Variants in TACR3 observed in about 807,000 individuals in gnomAD.
TACR3 encodes the protein tachykinin receptor 3.
In TACR3, 34 loss-of-function variants were observed where a neutral mutation model predicts 35.0. The ratio of observed to expected loss-of-function variants is 0.97; its 90% CI spans 0.74 to 1.30. TACR3 has a LOEUF of 1.30. Among genes scored for constraint, TACR3 ranks in the 50% most tolerant of loss-of-function variants. The pLI is 0.00. For missense variants in TACR3, 558 were observed against 591.7 expected (o/e 0.94, Z 0.59); for synonymous variants, 233 against 221.1 (o/e 1.05, Z -0.48).
At chr4:103,711,248 A>G (rs1722950789) in intron 1 of TACR3, among the ~76,000 whole-genome samples, 1 of 152,200 alleles carries the variant, frequency 6.6e-6, no homozygotes, top group Non-Finnish European at 1.5e-5. Context: ...CCTCAATAAA[A>G]TACTGGCAAA....
At chr4:103,678,584 CATTT>C (rs1240398189) in intron 1 of TACR3, among the ~76,000 whole-genome samples, 2 of 152,040 alleles carry the variant, frequency 1.3e-5, no homozygotes, top group Non-Finnish European at 2.9e-5. Flanking sequence ...TTTATTCATT[CATTT>C]ATCCATACAA....
At chr4:103,689,143 C>T (rs918223989) in intron 1 of TACR3, among the ~76,000 whole-genome samples, 1 of 150,334 alleles carries the variant, frequency 6.7e-6, no homozygotes, top group Non-Finnish European at 1.5e-5. Context: ...AGTAAACTAT[C>T]GCAAGAACAA....
chr4:103,652,069 C>A (rs973938936), intron 3 of TACR3, among the ~76,000 whole-genome samples: 1 of 152,052 alleles, frequency 6.6e-6, no homozygotes, highest in African/African-American at 2.4e-5. Context: ...GGAGGTGGTA[C>A]ATGCACCCCC....
rs575018412 is a variant in TACR3, at chr4:103,632,644, T to C, written c.888+23550A>G. Among the ~76,000 whole-genome samples the C allele has an allele frequency of 2.0e-5, 3 of 150,082 alleles. No homozygotes were observed. In the South Asian group the frequency reaches 6.3e-4, roughly 31 times the overall value. On this transcript the variant is annotated intron_variant, in intron 3 of 4. Transcript: ENST00000304883. ...AACAAACCTGCACGTTCTGCACATGTATCCTGTTTTTTTTTTTTGAAGAAA... is the reference window on the plus strand; with the variant it reads ...AACAAACCTGCACGTTCTGCACATGCATCCTGTTTTTTTTTTTTGAAGAAA...
intron 3 of TACR3, among the ~76,000 whole-genome samples, chr4:103,650,572 AAAAT>A (rs1288304986): frequency 4.0e-5 from 5 of 124,438 alleles, no homozygotes; most frequent in South Asian, 2.2e-4. Flanking sequence ...ATAAATATAT[AAAAT>A]AAATTTAATA....
chr4:103,605,850 T>C (rs1175781842), intron 3 of TACR3, among the ~76,000 whole-genome samples: 1 of 152,230 alleles, frequency 6.6e-6, no homozygotes. Flanking sequence ...TTGTCAATTT[T>C]GTCTTTGGTT....
At chr4:103,646,897 TCTTA>T (rs1377255710) in intron 3 of TACR3, among the ~76,000 whole-genome samples, 1 of 151,986 alleles carries the variant, frequency 6.6e-6, no homozygotes, top group Non-Finnish European at 1.5e-5. Flanking sequence ...TCTATAGTTT[TCTTA>T]CTTAGGGAAC....
chr4:103,700,131 A>C (rs1560536729), intron 1 of TACR3, among the ~76,000 whole-genome samples: 1 of 152,170 alleles, frequency 6.6e-6, no homozygotes, highest in Non-Finnish European at 1.5e-5. Flanking sequence ...CTGGATAAAC[A>C]ACAAAAAACA....
At chr4:103,623,858 C>T (rs1724835708) in intron 3 of TACR3, among the ~76,000 whole-genome samples, 1 of 152,068 alleles carries the variant, frequency 6.6e-6, no homozygotes. Context: ...AAGGTAGACT[C>T]GTTTTCGGAT....
chr4:103,716,989 T>C (rs1477903163), intron 1 of TACR3, among the ~76,000 whole-genome samples: 1 of 152,130 alleles, frequency 6.6e-6, no homozygotes. Flanking sequence ...ATATATCCTA[T>C]AAAATGATGG....
At chr4:103,649,609 T>C (rs1053433826) in intron 3 of TACR3, among the ~76,000 whole-genome samples, 8 of 152,124 alleles carry the variant, frequency 5.3e-5, no homozygotes, top group Non-Finnish European at 5.9e-5. Flanking sequence ...TTCTGTTTGA[T>C]CAATTCTGCT....
intron 1 of TACR3, among the ~76,000 whole-genome samples, chr4:103,717,303 G>A (rs998118215): frequency 2.0e-5 from 3 of 151,566 alleles, no homozygotes; most frequent in Non-Finnish European, 4.4e-5. Context: ...TTCAGTACTC[G>A]AACTGAGTAT....
chr4:103,697,007 A>C (rs984698446), intron 1 of TACR3, among the ~76,000 whole-genome samples: 1 of 152,222 alleles, frequency 6.6e-6, no homozygotes, highest in Middle Eastern at 3.4e-3. Flanking sequence ...TTAAACTCCT[A>C]GTCTCAGTTG....
chr4:103,710,165 C>T (rs1722909252), intron 1 of TACR3, among the ~76,000 whole-genome samples: 1 of 152,210 alleles, frequency 6.6e-6, no homozygotes, highest in South Asian at 2.1e-4. Context: ...ACCTAATAGA[C>T]ATCTACAGAA....
In TACR3 at chr4:103,719,498, G is replaced by A. The variant is rs1206457863; in HGVS notation, c.178C>T (p.Leu60=). ...NLSSSPSALG[L]PVASPAPSQP... Reference sequence around the variant, plus strand: ...GAGGGCGCGGGGGAAGCCACAGGCAGTCCCAGCGCGGAAGGGGAGGAGGAG... The same window carrying A: ...GAGGGCGCGGGGGAAGCCACAGGCAATCCCAGCGCGGAAGGGGAGGAGGAG... The change falls in exon 1 of 5, where the codon CTG becomes TTG. Residue 60 remains leucine, a synonymous_variant. Transcript: ENST00000304883. 4 of 1,611,306 alleles carry A rather than the reference G, an allele frequency of 2.5e-6. No homozygotes were observed. Among genetic ancestry groups the A allele is most frequent in the Non-Finnish European group, 3.4e-6 (4 of 1,177,610 alleles).
At chr4:103,668,948 A>G (rs1725995327) in intron 1 of TACR3, among the ~76,000 whole-genome samples, 1 of 152,030 alleles carries the variant, frequency 6.6e-6, no homozygotes. Context: ...TAAGATATCC[A>G]TCAGCTCAAG....
chr4:103,604,545 C>G (rs912478044), intron 3 of TACR3, among the ~76,000 whole-genome samples: 27 of 152,258 alleles, frequency 1.8e-4, no homozygotes, highest in Middle Eastern at 3.4e-3. Flanking sequence ...CAAATGGGAT[C>G]TAAATTAAAC....
intron 3 of TACR3, among the ~76,000 whole-genome samples, chr4:103,629,987 CAG>C (rs763057275): frequency 6.6e-6 from 1 of 151,628 alleles, no homozygotes. Flanking sequence ...GGTACCAAAA[CAG>C]AGATATAGAC....
chr4:103,631,145 G>A (rs1349310188), intron 3 of TACR3, among the ~76,000 whole-genome samples: 1 of 152,090 alleles, frequency 6.6e-6, no homozygotes. Flanking sequence ...CTGGGACACA[G>A]GGCAGGGAAC....
Sources: gnomAD v4.1 joint callset for allele counts (sites outside exome capture counted in the v4.1 genomes callset) on GRCh38, gnomAD v4.1.1 for gene constraint, MANE v1.5 for transcripts, NCBI Gene and HGNC (gene_info 2026-07-23, HGNC 2026-07-21) for gene names.